The following TRAPPC9 variants were observed in gnomAD, a reference collection of about 807,000 sequenced individuals.
TRAPPC9 encodes IKK2 binding protein.
A neutral mutation model predicts 124.0 loss-of-function variants in TRAPPC9; 83 were observed. The observed-to-expected ratio is 0.67, with a 90% CI of 0.56 to 0.80. The LOEUF (loss-of-function observed/expected upper bound fraction) is 0.80, where lower values mean the gene tolerates loss of function less well. Ranked by LOEUF, TRAPPC9 falls within the 30% of genes least tolerant of loss-of-function variation. TRAPPC9 has a pLI of 0.00. For synonymous variants in TRAPPC9, 638 were observed against 617.5 expected (o/e 1.03, Z -0.49); for missense variants, 1,302 against 1,508.3 (o/e 0.86, Z 2.27).
chr8:140,249,601 T>C (rs998744552), intron 16 of TRAPPC9, among the ~76,000 whole-genome samples: 3 of 133,278 alleles, frequency 2.3e-5, no homozygotes, highest in Non-Finnish European at 4.8e-5. Context: ...TTCACTCTTT[T>C]TTTTTTTTTT....
At chr8:140,091,496 G>A (rs1563753327) in intron 17 of TRAPPC9, among the ~76,000 whole-genome samples, 1 of 152,308 alleles carries the variant, frequency 6.6e-6, no homozygotes, top group East Asian at 1.9e-4. Flanking sequence ...CTTCAAGGAA[G>A]GACACTTTGA....
chr8:139,986,900 G>C (rs1340717030), intron 19 of TRAPPC9, among the ~76,000 whole-genome samples: 1 of 152,188 alleles, frequency 6.6e-6, no homozygotes, highest in Non-Finnish European at 1.5e-5. Context: ...CCAATGTTCT[G>C]AGTTTTTCCA....
intron 21 of TRAPPC9, among the ~76,000 whole-genome samples, chr8:139,754,383 A>C (rs1319071244): frequency 1.3e-5 from 2 of 152,190 alleles, no homozygotes; most frequent in Non-Finnish European, 2.9e-5. Context: ...TGGTCTGAAA[A>C]GGTGCCCCTC....
At chr8:139,860,334 C>G (rs2130976114) in intron 21 of TRAPPC9, among the ~76,000 whole-genome samples, 1 of 152,276 alleles carries the variant, frequency 6.6e-6, no homozygotes, top group South Asian at 2.1e-4. Flanking sequence ...TTACACGGCT[C>G]CAAGGGGTGG....
At chr8:140,210,102 G>A (rs1324613151) in intron 17 of TRAPPC9, among the ~76,000 whole-genome samples, 1 of 152,216 alleles carries the variant, frequency 6.6e-6, no homozygotes. Flanking sequence ...CCTCTGTCTC[G>A]CTCTTCTTCT....
In TRAPPC9 at chr8:139,803,781, A is replaced by C. The variant is rs369392220; in HGVS notation, c.3056-71579T>G. Among the ~76,000 whole-genome samples the C allele has an allele frequency of 3.5e-4, 53 of 152,282 alleles. No homozygotes were observed. In the East Asian group the frequency reaches 0.01, roughly 29 times the overall value. On this transcript the variant is annotated intron_variant, in intron 21 of 22. Coordinates refer to ENST00000438773, the MANE Select transcript of TRAPPC9 (RefSeq NM_001160372.4). ...TTGAGATAGATGCATCACGCTGTCT[A>C]GTTTCTTTTCTCAGAATCTGCTGCT... is the stretch of plus-strand genomic sequence containing the variant.
At chr8:140,183,611 C>G (rs1209106274) in intron 17 of TRAPPC9, among the ~76,000 whole-genome samples, 2 of 151,888 alleles carry the variant, frequency 1.3e-5, no homozygotes, top group African/African-American at 4.8e-5. Flanking sequence ...ATAATCCCAG[C>G]ACTTTGGGAG....
chr8:139,997,417 G>A (rs1029248456), intron 18 of TRAPPC9, among the ~76,000 whole-genome samples: 4 of 149,876 alleles, frequency 2.7e-5, no homozygotes, highest in African/African-American at 7.4e-5. Flanking sequence ...AAGAGACAAT[G>A]CATCCTACCC....
At chr8:140,272,761 G>C (rs1020185854) in intron 15 of TRAPPC9, among the ~76,000 whole-genome samples, 1 of 151,852 alleles carries the variant, frequency 6.6e-6, no homozygotes, top group South Asian at 2.1e-4. Context: ...AGGCTCTTTC[G>C]AACAACCAGC....
At position 139,745,547 on chromosome 8, in the gene TRAPPC9, G is replaced by A. The variant is rs542138628; in HGVS notation, c.3056-13345C>T. Among the ~76,000 whole-genome samples, 4 of 152,342 alleles carry A rather than the reference G, an allele frequency of 2.6e-5. No individual in the cohort carries two copies. In the East Asian group the frequency reaches 5.8e-4, roughly 22 times the overall value. On this transcript the variant is annotated intron_variant, in intron 21 of 22. Transcript: ENST00000438773. ...CGATTGGTAGGACAGCGGGTGAGTC[G>A]GGGTGGGCTGTGCACAGAGAGCTGA...
intron 19 of TRAPPC9, among the ~76,000 whole-genome samples, chr8:139,946,678 T>C (rs1478815323): frequency 1.5e-5 from 2 of 136,398 alleles, no homozygotes; most frequent in Non-Finnish European, 3.2e-5. Context: ...AATTTTCTTC[T>C]AAAAAAAAAA....
intron 19 of TRAPPC9, among the ~76,000 whole-genome samples, chr8:139,918,089 G>A (rs747709375): frequency 2.0e-5 from 3 of 152,198 alleles, no homozygotes; most frequent in East Asian, 3.9e-4. Context: ...ACAGAGCCTC[G>A]CACTCCTTCA....
At chr8:139,962,540 C>T (rs1218098591) in intron 19 of TRAPPC9, among the ~76,000 whole-genome samples, 1 of 124,552 alleles carries the variant, frequency 8.0e-6, no homozygotes, top group Non-Finnish European at 1.9e-5. Flanking sequence ...GTCATTGGAA[C>T]ATTTATCCAT....
intron 11 of TRAPPC9, among the ~76,000 whole-genome samples, chr8:140,296,750 T>C (rs779428845): frequency 4.6e-5 from 7 of 152,246 alleles, no homozygotes; most frequent in Non-Finnish European, 8.8e-5. Flanking sequence ...ACAAATCACA[T>C]GGCCCATCCT....
intron 21 of TRAPPC9, among the ~76,000 whole-genome samples, chr8:139,874,041 C>A (rs1282000156): frequency 6.6e-6 from 1 of 152,262 alleles, no homozygotes; most frequent in African/African-American, 2.4e-5. Context: ...AGTCAACCAC[C>A]CTGAAGGCCA....
rs36003180 is a variant in TRAPPC9 at position 140,289,684 on chromosome 8, CAA to C, written c.1854+1307_1854+1308del. The stretch of plus-strand genomic sequence containing the variant: ...AAAAATGAAAGCTACATTTTAAGAC[CAA>C]AAAAAAAAATGTGTAAGAAAGAGCA... On this transcript the variant is annotated intron_variant, in intron 12 of 22. Coordinates refer to ENST00000438773, the MANE Select transcript of TRAPPC9 (RefSeq NM_001160372.4). Among the ~76,000 whole-genome samples, 129 of 149,562 alleles carry C rather than the reference CAA, an allele frequency of 8.6e-4. 1 individual carries two copies. In the East Asian group the frequency reaches 0.016, roughly 19 times the overall value.
chr8:139,854,146 C>T (rs543679709), intron 21 of TRAPPC9, among the ~76,000 whole-genome samples: 10 of 152,280 alleles, frequency 6.6e-5, no homozygotes, highest in Admixed American at 2.6e-4. Context: ...ATCTGATTAT[C>T]GGACCCTGGG....
Position 139,954,324 on chromosome 8 carries a change from G to A in TRAPPC9, c.2810+34402C>T, listed in dbSNP as rs78169881. On this transcript the variant is annotated intron_variant, in intron 19 of 22. Coordinates refer to ENST00000438773, the MANE Select transcript of TRAPPC9 (RefSeq NM_001160372.4). ...CAAAAAAGCAGTTGTGATGGACTGA[G>A]TGACTGCGTCCCCCAGTAATTCATA... 7.3e-4 allele frequency among the ~76,000 whole-genome samples: 111 copies of A among 152,342 alleles called. 1 individual carries two copies. In the East Asian group the frequency reaches 0.02, roughly 28 times the overall value.
At chr8:139,966,106 C>CCCT (rs113486765) in intron 19 of TRAPPC9, among the ~76,000 whole-genome samples, 3,559 of 152,288 alleles carry the variant, frequency 0.023, 129 homozygotes, top group African/African-American at 0.08. Flanking sequence ...GCCTCTGGGC[C>CCCT]CCTCCAAGCG....
Sources: gnomAD v4.1 joint callset for allele counts (sites outside exome capture counted in the v4.1 genomes callset) on GRCh38, gnomAD v4.1.1 for gene constraint, MANE v1.5 for transcripts, NCBI Gene and HGNC (gene_info 2026-07-23, HGNC 2026-07-21) for gene names.